Variants in LARGE1 observed in about 807,000 individuals in gnomAD.
LARGE1 encodes LARGE xylosyl- and glucuronyltransferase 1.
LARGE1 carries 43 observed loss-of-function variants against 87.6 expected under a neutral mutation model. The ratio of observed to expected loss-of-function variants is 0.49; its 90% CI spans 0.38 to 0.63. The LOEUF (loss-of-function observed/expected upper bound fraction) is 0.63. Ranked by LOEUF, LARGE1 falls within the 30% of genes least tolerant of loss-of-function variation. The probability of loss-of-function intolerance (pLI) is 0.00; values close to 1 mark genes in which losing one functional copy is unlikely to be tolerated. For synonymous variants in LARGE1, 434 were observed against 394.6 expected (o/e 1.10, Z -1.18); for missense variants, 802 against 1,000.2 (o/e 0.80, Z 2.67).
intron 3 of LARGE1, among the ~76,000 whole-genome samples, chr22:33,628,233 G>A (rs1163868580): frequency 2.0e-5 from 3 of 152,010 alleles, no homozygotes; most frequent in Non-Finnish European, 4.4e-5. Context: ...TATGAGACAG[G>A]TACAGTATTA....
intron 11 of LARGE1, among the ~76,000 whole-genome samples, chr22:33,208,564 A>G (rs900999304): frequency 1.4e-4 from 21 of 145,740 alleles, no homozygotes; most frequent in Admixed American, 1.4e-3. Context: ...TAACCTTTAA[A>G]AACAAGTCAC....
At chr22:33,810,611 T>G (rs748750856) in intron 1 of LARGE1, among the ~76,000 whole-genome samples, 2 of 152,126 alleles carry the variant, frequency 1.3e-5, no homozygotes, top group Non-Finnish European at 2.9e-5. Flanking sequence ...TCTTAAGGAC[T>G]AGCAAGAGTA....
chr22:33,859,471 G>C (rs892120420), intron 1 of LARGE1, among the ~76,000 whole-genome samples: 4 of 152,182 alleles, frequency 2.6e-5, no homozygotes, highest in East Asian at 1.9e-4. Flanking sequence ...AAGAAGTGTT[G>C]TCTGAGTAGG....
At chr22:33,423,828 G>A (rs2147613593) in intron 7 of LARGE1, among the ~76,000 whole-genome samples, 1 of 152,238 alleles carries the variant, frequency 6.6e-6, no homozygotes, top group African/African-American at 2.4e-5. Context: ...GGCATTTTTA[G>A]TATTTTTGTG....
chr22:33,745,631 A>T (rs1344895058), intron 2 of LARGE1, among the ~76,000 whole-genome samples: 1 of 152,192 alleles, frequency 6.6e-6, no homozygotes, highest in Non-Finnish European at 1.5e-5. Context: ...AGGAAAGGAA[A>T]GGCGAGGGCC....
At chr22:33,654,646 T>TA (rs568424272) in intron 2 of LARGE1, among the ~76,000 whole-genome samples, 427 of 152,308 alleles carry the variant, frequency 2.8e-3, no homozygotes, top group African/African-American at 9.6e-3. Flanking sequence ...CCAGCCTCCT[T>TA]ACGTTTCTCT....
intron 12 of LARGE1, among the ~76,000 whole-genome samples, chr22:33,295,370 G>C (rs899399601): frequency 2.0e-5 from 3 of 152,336 alleles, no homozygotes; most frequent in African/African-American, 7.2e-5. Context: ...ATGCGTGTGG[G>C]TGCCTATGTG....
rs373629439 is a variant in LARGE1, at chr22:33,711,868, G to A, written c.106+49503C>T. ...CAGAGACAGGGTCTTGCTATGTTGCGTAGGTCACTCTTGAACTCCCGGCCT... is the reference window on the plus strand; with the variant it reads ...CAGAGACAGGGTCTTGCTATGTTGCATAGGTCACTCTTGAACTCCCGGCCT... On this transcript the variant is annotated intron_variant, in intron 2 of 14. Coordinates refer to ENST00000397394, the MANE Select transcript of LARGE1 (RefSeq NM_133642.5). 8.5e-5 allele frequency among the ~76,000 whole-genome samples: 13 copies of A among 152,118 alleles called. No individual in the cohort carries two copies. In the South Asian group the frequency reaches 2.1e-3, roughly 24 times the overall value.
chr22:33,891,709 C>A (rs548804449), intron 1 of LARGE1, among the ~76,000 whole-genome samples: 1 of 152,154 alleles, frequency 6.6e-6, no homozygotes, highest in Non-Finnish European at 1.5e-5. Context: ...GGGTAAAATT[C>A]TTTGTGATAA....
intron 1 of LARGE1, among the ~76,000 whole-genome samples, chr22:33,762,808 A>C (rs931001439): frequency 6.6e-6 from 1 of 152,134 alleles, no homozygotes; most frequent in African/African-American, 2.4e-5. Flanking sequence ...AAACCAATGG[A>C]CCCTAAGACC....
At chr22:33,607,924 A>G (rs1361028156) in intron 4 of LARGE1, among the ~76,000 whole-genome samples, 1 of 152,246 alleles carries the variant, frequency 6.6e-6, no homozygotes, top group East Asian at 1.9e-4. Flanking sequence ...GGAAAGGGGC[A>G]TATTTTCCCT....
chr22:33,582,478 T>C (rs1288535352), intron 5 of LARGE1, among the ~76,000 whole-genome samples: 1 of 151,998 alleles, frequency 6.6e-6, no homozygotes, highest in Non-Finnish European at 1.5e-5. Flanking sequence ...AACCACTACA[T>C]ATAAGAGAAT....
At chr22:33,339,162 A>AT (rs1452764999) in intron 9 of LARGE1, among the ~76,000 whole-genome samples, 3 of 151,466 alleles carry the variant, frequency 2.0e-5, no homozygotes, top group East Asian at 1.9e-4. Context: ...AATAAAAAAA[A>AT]AAAAAAAAAA....
At chr22:33,808,400 A>G (rs2086382159) in intron 1 of LARGE1, among the ~76,000 whole-genome samples, 1 of 152,194 alleles carries the variant, frequency 6.6e-6, no homozygotes, top group African/African-American at 2.4e-5. Context: ...GAAAAGAAAG[A>G]TGAAGCCTTG....
rs199566422 is a variant in LARGE1, at chr22:33,772,202, G to A, written c.-82-10644C>T. Among the ~76,000 whole-genome samples, 52 of 152,158 alleles carry A rather than the reference G, an allele frequency of 3.4e-4. 1 individual carries two copies. In the East Asian group the frequency reaches 4.6e-3, roughly 14 times the overall value. ...CAAAAAATTAGCCAGGTGTGGTGGC[G>A]GGCACCTGTAGTCCCAGCTACTCGG... is the stretch of plus-strand genomic sequence containing the variant. On this transcript the variant is annotated intron_variant, in intron 1 of 14. Coordinates refer to ENST00000397394, the MANE Select transcript of LARGE1 (RefSeq NM_133642.5).
chr22:33,877,693 T>TG (rs759088581), intron 1 of LARGE1, among the ~76,000 whole-genome samples: 4 of 151,596 alleles, frequency 2.6e-5, no homozygotes, highest in East Asian at 1.9e-4. Context: ...GAGGCTGAGG[T>TG]GGGGGGATCA....
chr22:33,501,825 T>C (rs991525213), intron 6 of LARGE1, among the ~76,000 whole-genome samples: 2 of 152,176 alleles, frequency 1.3e-5, no homozygotes, highest in Non-Finnish European at 2.9e-5. Context: ...TACACAGTCA[T>C]GCAAATGCAC....
chr22:33,230,256 G>A lies in LARGE1; in HGVS notation c.1731-63424C>T, dbSNP rs373031566. Among the ~76,000 whole-genome samples the A allele has an allele frequency of 1.3e-4, 19 of 151,888 alleles. No individual in the cohort carries two copies. The South Asian group carries it at 2.1e-3, about 17-fold the overall frequency. ...CTCGATCTCTTGACCTCGTAATCTC[G>A]TAATCCACCCACCTCAGCCTCCCAA... On this transcript the variant is annotated intron_variant, in intron 11 of 11. Transcript: ENST00000608642.
intron 2 of LARGE1, chr22:33,750,505 T>G (rs2084273228): frequency 6.6e-6 from 1 of 152,204 alleles, no homozygotes; most frequent in African/African-American, 2.4e-5. Context: ...ATTGCTACAG[T>G]TTCCATTATT....
Sources: allele counts gnomAD v4.1 joint callset (sites outside exome capture counted in the v4.1 genomes callset), GRCh38; gene constraint gnomAD v4.1.1; transcripts MANE v1.5; gene names NCBI Gene and HGNC (gene_info 2026-07-23, HGNC 2026-07-21).